DLGAP2: variants seen among roughly 807,000 people sequenced by gnomAD.
The protein encoded by DLGAP2 is disks large-associated protein 2.
A neutral mutation model predicts 100.3 loss-of-function variants in DLGAP2; 26 were observed. That is an observed-to-expected ratio of 0.26 (90% CI 0.19 to 0.36). The LOEUF (loss-of-function observed/expected upper bound fraction) is 0.36. DLGAP2 is among the 10% of genes least tolerant of loss of function. DLGAP2 has a pLI of 1.00. For synonymous variants in DLGAP2, 886 were observed against 630.1 expected, an observed-to-expected ratio of 1.41 and a Z score of -6.08; for missense variants, 1,858 against 1,453.2, an observed-to-expected ratio of 1.28 and a Z score of -4.53.
chr8:1,553,288 C>G (rs4875873), intron 5 of DLGAP2, among the ~76,000 whole-genome samples: 49,374 of 152,170 alleles, frequency 0.32, 9,575 homozygotes, highest in East Asian at 0.5. Context: ...TCTTCCCCAC[C>G]TGGCGTCGCC....
At chr8:1,666,874 C>G (rs975767368) in intron 8 of DLGAP2, among the ~76,000 whole-genome samples, 1 of 152,116 alleles carries the variant, frequency 6.6e-6, no homozygotes, top group African/African-American at 2.4e-5. Context: ...TGGGAAGTGT[C>G]CTGCAGACAC....
At chr8:1,119,074 C>G (rs535838877) in intron 2 of DLGAP2, among the ~76,000 whole-genome samples, 113 of 152,330 alleles carry the variant, frequency 7.4e-4, no homozygotes, top group Non-Finnish European at 1.2e-3. Flanking sequence ...TTTCCTACTA[C>G]TTTATAACCG....
intron 1 of DLGAP2, among the ~76,000 whole-genome samples, chr8:765,377 T>G (rs543394210): frequency 6.6e-6 from 1 of 152,344 alleles, no homozygotes; most frequent in Admixed American, 6.5e-5. Flanking sequence ...AAACCTGTTA[T>G]GCGGTGGATA....
At chr8:766,038 G>A (rs112905327) in intron 1 of DLGAP2, among the ~76,000 whole-genome samples, 4,582 of 152,242 alleles carry the variant, frequency 0.03, 223 homozygotes, top group African/African-American at 0.11. Flanking sequence ...GTGGTGGCAT[G>A]TACCTGTAAT....
chr8:937,981 G>A (rs77355918), intron 2 of DLGAP2, among the ~76,000 whole-genome samples: 6,368 of 152,200 alleles, frequency 0.042, 444 homozygotes, highest in African/African-American at 0.15. Context: ...TAGTTCAGCA[G>A]TTCTTACTCT....
intron 2 of DLGAP2, among the ~76,000 whole-genome samples, chr8:1,086,784 A>G (rs1803986838): frequency 6.6e-6 from 1 of 152,240 alleles, no homozygotes; most frequent in Admixed American, 6.5e-5. Context: ...ATCTAAAGGT[A>G]GAGATAGGCT....
intron 1 of DLGAP2, among the ~76,000 whole-genome samples, chr8:839,650 A>T (rs1455175382): frequency 6.6e-6 from 1 of 152,140 alleles, no homozygotes; most frequent in Non-Finnish European, 1.5e-5. Flanking sequence ...GAAAAACAGG[A>T]TGGTGCCACC....
At chr8:1,128,753 G>T (rs149547535) in intron 2 of DLGAP2, among the ~76,000 whole-genome samples, 1 of 152,312 alleles carries the variant, frequency 6.6e-6, no homozygotes, top group East Asian at 1.9e-4. Flanking sequence ...AGAACTTAGT[G>T]ACTTTTTATG....
chr8:925,743 A>C (rs1241835239), intron 2 of DLGAP2, among the ~76,000 whole-genome samples: 1 of 152,154 alleles, frequency 6.6e-6, no homozygotes, highest in Non-Finnish European at 1.5e-5. Flanking sequence ...GAATTGGCTC[A>C]TGTGGTTATG....
At chr8:1,583,149 G>T (rs1355873742) in intron 6 of DLGAP2, among the ~76,000 whole-genome samples, 1 of 152,176 alleles carries the variant, frequency 6.6e-6, no homozygotes, top group Non-Finnish European at 1.5e-5. Context: ...GGGAAGAGAA[G>T]GGGCATACCT....
At chr8:922,170 T>G (rs890140295) in intron 2 of DLGAP2, among the ~76,000 whole-genome samples, 1 of 152,204 alleles carries the variant, frequency 6.6e-6, no homozygotes, top group African/African-American at 2.4e-5. Flanking sequence ...TCATGGAAGT[T>G]GGTGGAGGCT....
chr8:1,319,579 C>A (rs142185045), intron 3 of DLGAP2, among the ~76,000 whole-genome samples: 67 of 152,326 alleles, frequency 4.4e-4, no homozygotes, highest in Non-Finnish European at 7.1e-4. Context: ...AGCTTGTATT[C>A]TCCTAGGAAG....
intron 5 of DLGAP2, among the ~76,000 whole-genome samples, chr8:1,559,219 A>T (rs1172097989): frequency 1.3e-5 from 2 of 152,200 alleles, no homozygotes; most frequent in Non-Finnish European, 2.9e-5. Flanking sequence ...TGCAGCAGGG[A>T]CTGCAAACTG....
intron 3 of DLGAP2, among the ~76,000 whole-genome samples, chr8:1,336,323 A>C (rs554503610): frequency 6.6e-6 from 1 of 152,364 alleles, no homozygotes; most frequent in South Asian, 2.1e-4. Flanking sequence ...AAAGGGTGGA[A>C]GTGAAGAAGG....
intron 3 of DLGAP2, among the ~76,000 whole-genome samples, chr8:1,311,666 C>G (rs1585247456): frequency 6.6e-6 from 1 of 150,940 alleles, no homozygotes; most frequent in African/African-American, 2.4e-5. Flanking sequence ...AGTTGACACA[C>G]GAAAGGTGTC....
Position 1,350,846 on chromosome 8 carries a change from T to C in DLGAP2, c.106+91963T>C, listed in dbSNP as rs1292386203. On this transcript the variant is annotated intron_variant, in intron 3 of 14. Coordinates refer to ENST00000637795, the MANE Select transcript of DLGAP2 (RefSeq NM_001346810.2). ...GTCCTGAGTGTGCGTGGAAAGGCCG[T>C]GCGGGTCCTGACAGTGTGTGGAAAG... 1.8e-3 allele frequency among the ~76,000 whole-genome samples: 103 copies of C among 56,350 alleles called. 10 individuals are homozygous for C. Among genetic ancestry groups the C allele is most frequent in the African/African-American group, 5.6e-3 (96 of 17,200 alleles). 37.0% of individuals were successfully genotyped at this position (56,350 alleles called of 152,430 possible). A position where few individuals can be genotyped will look rare whatever the true frequency, so the allele number is the denominator to read the frequency against.
rs1471878624 is a variant in DLGAP2, at chr8:1,701,609, G to A, written c.*203G>A. 6.6e-6 allele frequency: 4 copies of A among 609,032 alleles called. No individual in the cohort carries two copies. The East Asian group carries it at 1.2e-4, about 18-fold the overall frequency. 37.7% of individuals were successfully genotyped at this position (609,032 alleles called of 1,614,324 possible). ...GGCGAGGACGACTTCTGCTTTTGTT[G>A]TTGTTGTTGTTGTTCACGGGTGGCC... On this transcript the variant is annotated 3_prime_UTR_variant, in exon 15 of 15. Coordinates refer to ENST00000637795, the MANE Select transcript of DLGAP2 (RefSeq NM_001346810.2).
intron 3 of DLGAP2, among the ~76,000 whole-genome samples, chr8:1,421,728 G>T (rs925016632): frequency 1.3e-5 from 2 of 152,212 alleles, no homozygotes; most frequent in East Asian, 3.8e-4. Context: ...CACTTTGGGA[G>T]GCTGAGGTGG....
chr8:1,247,330 A>ATGTTGGTGG, intron 2 of DLGAP2, among the ~76,000 whole-genome samples: 2 of 140,650 alleles, frequency 1.4e-5, no homozygotes, highest in Admixed American at 7.0e-5. Context: ...GTGATGGTCC[A>ATGTTGGTGG]CATCGGTGGC....
Sources: allele counts gnomAD v4.1 joint callset (sites outside exome capture counted in the v4.1 genomes callset), GRCh38; gene constraint gnomAD v4.1.1; transcripts MANE v1.5; gene names NCBI Gene and HGNC (gene_info 2026-07-23, HGNC 2026-07-21).